ESRRG: variants seen among roughly 807,000 people sequenced by gnomAD.
The protein encoded by ESRRG is estrogen related receptor gamma, also known as estrogen-related receptor gamma.
A neutral mutation model predicts 44.0 loss-of-function variants in ESRRG; 13 were observed. That is an observed-to-expected ratio of 0.30 (90% CI 0.19 to 0.47). The LOEUF is 0.47. Among genes scored for constraint, ESRRG ranks in the 20% least tolerant of loss-of-function variants. The probability of loss-of-function intolerance (pLI) is 1.00; values close to 1 mark genes in which losing one functional copy is unlikely to be tolerated. For missense variants in ESRRG, 395 were observed against 580.6 expected, an observed-to-expected ratio of 0.68 and a Z score of 3.29; for synonymous variants, 215 against 214.6, an observed-to-expected ratio of 1.00 and a Z score of -0.02.
chr1:217,083,278 C>G (rs1014083104), intron 1 of ESRRG, among the ~76,000 whole-genome samples: 1 of 152,202 alleles, frequency 6.6e-6, no homozygotes, highest in Non-Finnish European at 1.5e-5. Context: ...AAACCAGACT[C>G]TAAATTTCAT....
chr1:216,689,337 A>G (rs1037007510), intron 1 of ESRRG, among the ~76,000 whole-genome samples: 1 of 152,114 alleles, frequency 6.6e-6, no homozygotes, highest in Non-Finnish European at 1.5e-5. Flanking sequence ...TCCTATGACC[A>G]TTACAGGAAT....
intron 2 of ESRRG, among the ~76,000 whole-genome samples, chr1:216,775,836 G>T (rs1467009235): frequency 6.6e-6 from 1 of 151,658 alleles, no homozygotes; most frequent in Non-Finnish European, 1.5e-5. Flanking sequence ...AAGTGCTGGG[G>T]TTACAGATGT....
chr1:216,707,618 G>GA (rs1049243273), intron 1 of ESRRG: 5 of 866,586 alleles, frequency 5.8e-6, no homozygotes, highest in Non-Finnish European at 8.4e-6. Context: ...ACTTAGGTAT[G>GA]AAAAATCCCA....
At chr1:216,921,853 G>T (rs546901624) in intron 2 of ESRRG, among the ~76,000 whole-genome samples, 2 of 152,302 alleles carry the variant, frequency 1.3e-5, no homozygotes, top group African/African-American at 4.8e-5. Flanking sequence ...GATCACTCAA[G>T]AAATATTTAT....
chr1:216,946,768 G>A (rs1023936401), intron 1 of ESRRG, among the ~76,000 whole-genome samples: 3 of 151,664 alleles, frequency 2.0e-5, no homozygotes, highest in Non-Finnish European at 2.9e-5. Context: ...CACGGCTGGA[G>A]TGCAGTGGTA....
intron 1 of ESRRG, among the ~76,000 whole-genome samples, chr1:216,712,149 T>A (rs2083745800): frequency 1.3e-5 from 2 of 152,232 alleles, no homozygotes. Context: ...ATTAAAGTCT[T>A]GGGTACATAG....
chr1:216,853,241 A>T (rs11572558), intron 2 of ESRRG, among the ~76,000 whole-genome samples: 5 of 152,188 alleles, frequency 3.3e-5, no homozygotes, highest in African/African-American at 1.2e-4. Context: ...AAGAAAAATG[A>T]CAAGTCCTTC....
intron 3 of ESRRG, among the ~76,000 whole-genome samples, chr1:216,642,718 T>C (rs1485148606): frequency 6.6e-6 from 1 of 152,186 alleles, no homozygotes; most frequent in Non-Finnish European, 1.5e-5. Context: ...GTTCTGCTTT[T>C]TGAAGGCAGT....
At chr1:216,644,054 T>G (rs1459928809) in intron 3 of ESRRG, among the ~76,000 whole-genome samples, 1 of 152,162 alleles carries the variant, frequency 6.6e-6, no homozygotes, top group Non-Finnish European at 1.5e-5. Flanking sequence ...TAATCCCATT[T>G]CCACTTTATC....
rs60317002 is a variant in ESRRG at position 216,680,153 on chromosome 1, C to A, written c.57-2662G>T. 2.7e-3 allele frequency among the ~76,000 whole-genome samples: 409 copies of A among 152,312 alleles called. 1 individual carries two copies. The highest frequency in any genetic ancestry group is 9.2e-3 in the African/African-American group (383 of 41,582). ...CACGAACTGTTTCCTTAATTAATAT[C>A]TTTTGCCCAGTGGAAATAATAAAAG... On this transcript the variant is annotated intron_variant, in intron 1 of 6. Coordinates refer to ENST00000408911, the MANE Select transcript of ESRRG (RefSeq NM_001438.4).
At chr1:217,023,697 T>C (rs1332095769) in intron 1 of ESRRG, among the ~76,000 whole-genome samples, 1 of 152,220 alleles carries the variant, frequency 6.6e-6, no homozygotes, top group Non-Finnish European at 1.5e-5. Context: ...TTCCTTGGCG[T>C]GTCTCTGTCA....
chr1:216,678,603 C>A (rs1044814285), intron 1 of ESRRG, among the ~76,000 whole-genome samples: 1 of 152,070 alleles, frequency 6.6e-6, no homozygotes, highest in Non-Finnish European at 1.5e-5. Flanking sequence ...CACAAGTGAC[C>A]GAATTTCTGG....
At chr1:216,917,181 G>A (rs1158137096) in intron 2 of ESRRG, among the ~76,000 whole-genome samples, 11 of 147,634 alleles carry the variant, frequency 7.5e-5, no homozygotes, top group Non-Finnish European at 1.6e-4. Context: ...TTTTTACCAG[G>A]TGACAGGGCT....
chr1:216,928,981 G>C lies in ESRRG; in HGVS notation c.-14+10601C>G, dbSNP rs529387805. Among the ~76,000 whole-genome samples, 3 of 152,266 alleles carry C rather than the reference G, an allele frequency of 2.0e-5. No individual in the cohort carries two copies. The South Asian group carries it at 6.2e-4, about 32-fold the overall frequency. Reference sequence around the variant, plus strand: ...GGAAATGGGAATTATTGTTGAATAGGTACAGAGTTTCAATTTGAGATGATG... The same window carrying C: ...GGAAATGGGAATTATTGTTGAATAGCTACAGAGTTTCAATTTGAGATGATG... On this transcript the variant is annotated intron_variant, in intron 2 of 7. Coordinates refer to the ESRRG transcript ENST00000359162.
At chr1:216,756,581 A>G (rs1051538889) in intron 2 of ESRRG, among the ~76,000 whole-genome samples, 3 of 152,028 alleles carry the variant, frequency 2.0e-5, no homozygotes, top group African/African-American at 7.2e-5. Context: ...CCCACTAGGA[A>G]TTGAGAGATA....
intron 2 of ESRRG, among the ~76,000 whole-genome samples, chr1:216,917,825 TAA>T (rs1265108139): frequency 2.0e-5 from 3 of 152,220 alleles, no homozygotes; most frequent in African/African-American, 7.2e-5. Context: ...ATCCGCAAAT[TAA>T]AAGTTATCAA....
chr1:216,925,494 G>A (rs1294782055), intron 2 of ESRRG, among the ~76,000 whole-genome samples: 1 of 152,138 alleles, frequency 6.6e-6, no homozygotes, highest in Non-Finnish European at 1.5e-5. Flanking sequence ...GACAGCAGCG[G>A]TTCCCGGAAG....
intron 3 of ESRRG, among the ~76,000 whole-genome samples, chr1:216,604,102 G>C (rs1019363371): frequency 6.6e-6 from 1 of 152,174 alleles, no homozygotes; most frequent in Non-Finnish European, 1.5e-5. Context: ...TTAGAGTCCA[G>C]ACAGTGAATC....
At chr1:216,990,945 CA>C (rs1467091437) in intron 1 of ESRRG, among the ~76,000 whole-genome samples, 6 of 152,088 alleles carry the variant, frequency 3.9e-5, no homozygotes, top group Non-Finnish European at 8.8e-5. Flanking sequence ...AACTGCCCCC[CA>C]ACCCCACCCC....
Sources: allele counts gnomAD v4.1 joint callset (sites outside exome capture counted in the v4.1 genomes callset), GRCh38; gene constraint gnomAD v4.1.1; transcripts MANE v1.5; gene names NCBI Gene and HGNC (gene_info 2026-07-23, HGNC 2026-07-21).